Variants in AKR1B1 observed in about 807,000 individuals in gnomAD.
AKR1B1 encodes aldo-keto reductase family 1 member B.
Under a neutral mutation model 40.4 loss-of-function variants are expected in AKR1B1, and 22 were observed. That is an observed-to-expected ratio of 0.54 (90% CI 0.39 to 0.78). AKR1B1 has a LOEUF of 0.78. Among genes scored for constraint, AKR1B1 ranks in the 30% least tolerant of loss-of-function variants. AKR1B1 has a pLI of 0.00. For missense variants in AKR1B1, 357 were observed against 396.7 expected (o/e 0.90, Z 0.85); for synonymous variants, 157 against 149.9 (o/e 1.05, Z -0.35).
intron 7 of AKR1B1, 114 bp downstream of exon 7, chr7:134,447,866 A>G: frequency 1.1e-6 from 1 of 939,130 alleles, no homozygotes; most frequent in African/African-American, 1.6e-5. Flanking sequence ...GAGGACCCCT[A>G]ACCATACTTC....
rs1806051944 is a variant in AKR1B1 at position 134,445,023 on chromosome 7, G to A, written c.908+215C>T. 5 of 636,008 alleles carry A rather than the reference G, an allele frequency of 7.9e-6. No homozygotes were observed. The East Asian group carries it at 1.4e-4, about 17-fold the overall frequency. The allele number at this position is 636,008 out of a possible 1,614,324, so 39.4% of individuals were successfully genotyped here. A position where few individuals can be genotyped will look rare whatever the true frequency, so the allele number is the denominator to read the frequency against. Reference sequence around the variant, plus strand: ...TCAGGCCAGGCCAACAATGCCCCAGGGCTGGAAGAAGATATCAAGAGCGGA... The same window carrying A: ...TCAGGCCAGGCCAACAATGCCCCAGAGCTGGAAGAAGATATCAAGAGCGGA... On this transcript the variant is annotated intron_variant, in intron 9 of 9. Transcript: ENST00000285930.
chr7:134,443,544 T>C (rs558590006), intron 9 of AKR1B1, among the ~76,000 whole-genome samples: 31 of 151,924 alleles, frequency 2.0e-4, no homozygotes, highest in African/African-American at 6.8e-4. Context: ...CAATCAACGG[T>C]CGGCGATTTT....
In AKR1B1 at chr7:134,442,700, A is replaced by G. The variant is rs201593466; in HGVS notation, c.*28T>C. On this transcript the variant is annotated 3_prime_UTR_variant, in exon 10 of 10. Transcript: ENST00000285930. ...GAGGCAAGAAACACAGGTATAGGTC[A>G]CTTGGGGACGAGCAGGCAACCACAG... The G allele has an allele frequency of 6.2e-7, 1 of 1,612,186 alleles. No homozygotes were observed.
intron 1 of AKR1B1, among the ~76,000 whole-genome samples, chr7:134,458,551 G>A (rs1362915424): frequency 2.0e-5 from 3 of 152,210 alleles, no homozygotes; most frequent in Admixed American, 1.3e-4. Context: ...TGCCTCGAGG[G>A]AAAGGAGGCT....
chr7:134,451,201 A>G (rs781196288), intron 2 of AKR1B1: 6 of 546,212 alleles, frequency 1.1e-5, no homozygotes, highest in Non-Finnish European at 2.0e-5. Context: ...GTGTTTGTGG[A>G]GCCAGCCCCA....
chr7:134,447,868 C>T (rs983908642), intron 7 of AKR1B1, 112 bp downstream of exon 7: 2 of 957,744 alleles, frequency 2.1e-6, no homozygotes, highest in Non-Finnish European at 3.3e-6. Flanking sequence ...GGACCCCTAA[C>T]CATACTTCCT....
chr7:134,447,034 C>A (rs148187753), intron 8 of AKR1B1, among the ~76,000 whole-genome samples: 5 of 152,290 alleles, frequency 3.3e-5, no homozygotes, highest in African/African-American at 1.2e-4. Context: ...CCCCGGGTAA[C>A]CTCTCGGTGT....
intron 4 of AKR1B1, chr7:134,449,512 A>G (rs943543073): frequency 2.9e-4 from 173 of 601,574 alleles, no homozygotes; most frequent in Middle Eastern, 1.7e-3. Flanking sequence ...GCGTGAACCC[A>G]GGAGGTGGAG....
chr7:134,444,925 C>A, intron 9 of AKR1B1: 1 of 483,162 alleles, frequency 2.1e-6, no homozygotes, highest in Non-Finnish European at 3.8e-6. Context: ...TCCAGGGTCA[C>A]CTGGGATCAC....
intron 7 of AKR1B1, chr7:134,447,671 G>A: frequency 3.3e-6 from 2 of 611,564 alleles, no homozygotes; most frequent in Non-Finnish European, 5.8e-6. Flanking sequence ...TACCACTCAG[G>A]AGAAAGAACA....
intron 1 of AKR1B1, among the ~76,000 whole-genome samples, chr7:134,452,242 C>T (rs1049502439): frequency 1.3e-5 from 2 of 152,160 alleles, no homozygotes; most frequent in Non-Finnish European, 2.9e-5. Flanking sequence ...GCTTCTGATA[C>T]CGGCAGTCGC....
At position 134,449,182 on chromosome 7, in the gene AKR1B1, C is replaced by T. The variant is rs572585606; in HGVS notation, c.430-63G>A. The T allele has an allele frequency of 9.3e-6, 15 of 1,607,002 alleles. No homozygotes were observed. In the African/African-American group the frequency reaches 9.3e-5, roughly 10 times the overall value. On this transcript the variant is annotated intron_variant, in intron 4 of 9. Transcript: ENST00000285930. ...CCAGAAAGGACAGGATCAGAAGTGT[C>T]GTTTGCACCAGTTTAACGGGTCCTG...
At position 134,450,809 on chromosome 7, in the gene AKR1B1, T is replaced by TA. The variant is rs775340161; in HGVS notation, c.327dup (p.Ile110TyrfsTer8). ...ACCTTAAAGCCAGTCGGCCAGTGAATAAGGTAGAGGTCCAGGTAGTCCAGC... is the reference window on the plus strand; with the variant it reads ...ACCTTAAAGCCAGTCGGCCAGTGAATAAAGGTAGAGGTCCAGGTAGTCCAGC... On this transcript the variant is annotated frameshift_variant, in exon 3 of 10. Transcript: ENST00000285930. LOFTEE classifies it high-confidence loss of function. 1 of 1,614,076 alleles carries TA rather than the reference T, an allele frequency of 6.2e-7. No individual in the cohort carries two copies.
rs943796477 is a variant in AKR1B1 at position 134,447,064 on chromosome 7, A to C, written c.825+234T>G. ...CGGTGTGGCTGAAGGGCCTGAGCAA[A>C]GGTGTAGGTGTATGCGTGCACAGCA... On this transcript the variant is annotated intron_variant, in intron 8 of 9. Transcript: ENST00000285930. Among the ~76,000 whole-genome samples, 10 of 152,276 alleles carry C rather than the reference A, an allele frequency of 6.6e-5. No individual in the cohort carries two copies. In the East Asian group the frequency reaches 1.9e-3, roughly 29 times the overall value.
intron 1 of AKR1B1, among the ~76,000 whole-genome samples, chr7:134,453,117 G>A (rs1475393669): frequency 6.6e-6 from 1 of 152,178 alleles, no homozygotes; most frequent in Non-Finnish European, 1.5e-5. Context: ...AGCAGGGAGA[G>A]CAGAGGACAT....
At chr7:134,444,857 C>A in intron 9 of AKR1B1, 1 of 344,430 alleles carries the variant, frequency 2.9e-6, no homozygotes, top group Non-Finnish European at 5.6e-6. Context: ...CCCGACCAAA[C>A]CCCTTTCATT....
intron 1 of AKR1B1, among the ~76,000 whole-genome samples, chr7:134,455,104 C>A (rs1328898666): frequency 6.6e-6 from 1 of 152,188 alleles, no homozygotes; most frequent in East Asian, 1.9e-4. Flanking sequence ...AAGCTTACCC[C>A]ACTTGGGGAA....
chr7:134,449,909 G>A, intron 3 of AKR1B1, 112 bp from the exon 4 acceptor site: 2 of 874,316 alleles, frequency 2.3e-6, no homozygotes, highest in Non-Finnish European at 1.9e-6. Flanking sequence ...GCTGGCTAGG[G>A]ATAATCTGTG....
chr7:134,452,345 G>C (rs1806314351), intron 1 of AKR1B1, among the ~76,000 whole-genome samples: 2 of 152,318 alleles, frequency 1.3e-5, no homozygotes, highest in Middle Eastern at 6.8e-3. Context: ...ACTGTATGAG[G>C]ATCTGCTTCA....
Sources: allele counts gnomAD v4.1 joint callset (sites outside exome capture counted in the v4.1 genomes callset), GRCh38; gene constraint gnomAD v4.1.1; transcripts MANE v1.5; gene names NCBI Gene and HGNC (gene_info 2026-07-23, HGNC 2026-07-21).